Variants in ZNF367 observed in about 807,000 individuals in gnomAD.
ZNF367 encodes zinc finger protein 367.
In ZNF367, 11 loss-of-function variants were observed where a neutral mutation model predicts 31.8. The ratio of observed to expected loss-of-function variants is 0.35; its 90% CI spans 0.22 to 0.57. ZNF367 has a LOEUF of 0.57. Among genes scored for constraint, ZNF367 ranks in the 20% least tolerant of loss-of-function variants. ZNF367 has a pLI of 0.85. For missense variants in ZNF367, 353 were observed against 484.1 expected, an observed-to-expected ratio of 0.73 and a Z score of 2.54; for synonymous variants, 199 against 202.4, an observed-to-expected ratio of 0.98 and a Z score of 0.14.
At chr9:96,410,561 C>CAAAAAAAAAA (rs35609930) in intron 1 of ZNF367, among the ~76,000 whole-genome samples, 6 of 69,602 alleles carry the variant, frequency 8.6e-5, no homozygotes, top group East Asian at 6.1e-4. Context: ...GACTCCGTCT[C>CAAAAAAAAAA]AAAAAAAAAA....
intron 1 of ZNF367, among the ~76,000 whole-genome samples, chr9:96,412,304 T>C (rs1831761512): frequency 6.6e-6 from 1 of 152,212 alleles, no homozygotes; most frequent in African/African-American, 2.4e-5. Flanking sequence ...CCTTAGTAAT[T>C]ATAATTTTAA....
In ZNF367 at chr9:96,392,487, G is replaced by C; in HGVS notation, c.741C>G (p.Pro247=). The change falls in exon 4 of 5, where the codon CCC becomes CCG. Residue 247 remains proline (P), a synonymous_variant. Transcript: ENST00000375256. The stretch of plus-strand genomic sequence containing the variant: ...GCTCCTCTCTCTTCAGCCTGGCGTA[G>C]GGGTGCTTCGGACAGTGGCGGTTTG... The part of the protein sequence containing the change: ...THANRHCPKH[P]YARLKREEPT... 1 of 1,613,342 alleles carries C rather than the reference G, an allele frequency of 6.2e-7. No individual in the cohort carries two copies. The highest frequency in any genetic ancestry group is 8.5e-7 in the Non-Finnish European group (1 of 1,179,308).
At chr9:96,403,203 C>T (rs1222945308) in intron 1 of ZNF367, among the ~76,000 whole-genome samples, 9 of 152,056 alleles carry the variant, frequency 5.9e-5, no homozygotes, top group Non-Finnish European at 1.0e-4. Context: ...CTCCTGACCT[C>T]GTGATCCACC....
Position 96,388,597 on chromosome 9 carries a change from AT to A in ZNF367, c.831-139del. ...AAAGTTATAAAGTGATTTAACATAA[AT>A]TTCCTATTTATAGAGGAAAGAAACT... On this transcript the variant is annotated intron_variant, in intron 4 of 4. Coordinates refer to ENST00000375256, the MANE Select transcript of ZNF367 (RefSeq NM_153695.4). The A allele has an allele frequency of 3.5e-6, 3 of 849,766 alleles. No homozygotes were observed. In the South Asian group the frequency reaches 5.8e-5, roughly 16 times the overall value. 52.6% of individuals were successfully genotyped at this position (849,766 alleles called of 1,614,324 possible).
At chr9:96,407,826 G>A (rs1831690002) in intron 1 of ZNF367, 1 of 885,966 alleles carries the variant, frequency 1.1e-6, no homozygotes, top group Non-Finnish European at 1.7e-6. Context: ...TGTTAGCCAG[G>A]ATGGTCTCGA....
At chr9:96,403,722 A>G (rs539234019) in intron 1 of ZNF367, among the ~76,000 whole-genome samples, 1 of 152,238 alleles carries the variant, frequency 6.6e-6, no homozygotes, top group South Asian at 2.1e-4. Flanking sequence ...ATGAAAGGCC[A>G]ATTGATTTTC....
chr9:96,398,448 T>A, intron 1 of ZNF367, 134 bp from the exon 2 acceptor site: 1 of 676,394 alleles, frequency 1.5e-6, no homozygotes, highest in Non-Finnish European at 2.3e-6. Context: ...CCCAGCTATT[T>A]AGGAGGCTGA....
chr9:96,416,759 T>C (rs1264844308), intron 1 of ZNF367, among the ~76,000 whole-genome samples: 6 of 152,212 alleles, frequency 3.9e-5, no homozygotes, highest in African/African-American at 1.4e-4. Context: ...TTACAGAATG[T>C]AAGGTAGTAA....
At chr9:96,396,825 A>G (rs1255741178) in intron 2 of ZNF367, among the ~76,000 whole-genome samples, 1 of 151,994 alleles carries the variant, frequency 6.6e-6, no homozygotes, top group East Asian at 1.9e-4. Context: ...GTGCCACCAC[A>G]CCTGGCTAAT....
chr9:96,397,125 G>A (rs766930207), intron 2 of ZNF367, among the ~76,000 whole-genome samples: 6 of 151,760 alleles, frequency 4.0e-5, no homozygotes, highest in Non-Finnish European at 8.8e-5. Context: ...CACATTTCAA[G>A]TGCTCAGGAG....
At chr9:96,408,809 T>C (rs1448879174) in intron 1 of ZNF367, among the ~76,000 whole-genome samples, 1 of 152,218 alleles carries the variant, frequency 6.6e-6, no homozygotes, top group Admixed American at 6.5e-5. Flanking sequence ...GCAGATATTA[T>C]TGCAAAAACA....
At chr9:96,399,475 C>T (rs1304516226) in intron 1 of ZNF367, among the ~76,000 whole-genome samples, 1 of 152,064 alleles carries the variant, frequency 6.6e-6, no homozygotes, top group Non-Finnish European at 1.5e-5. Context: ...AGTTATGATG[C>T]CCCTGCACTG....
At chr9:96,393,695 G>C (rs1180546564) in intron 3 of ZNF367, among the ~76,000 whole-genome samples, 1 of 152,002 alleles carries the variant, frequency 6.6e-6, no homozygotes, top group Admixed American at 6.6e-5. Flanking sequence ...ACTGGGTATG[G>C]TCGCGTATGC....
At chr9:96,404,184 G>A (rs1407045915) in intron 1 of ZNF367, among the ~76,000 whole-genome samples, 1 of 151,884 alleles carries the variant, frequency 6.6e-6, no homozygotes, top group East Asian at 2.0e-4. Flanking sequence ...AACAAGGCCG[G>A]GCGCGGTGGC....
In ZNF367 at chr9:96,407,380, C is replaced by G. The variant is rs1019101506; in HGVS notation, c.421-9066G>C. 2.6e-6 allele frequency: 4 copies of G among 1,520,202 alleles called. No individual in the cohort carries two copies. In the African/African-American group the frequency reaches 4.1e-5, roughly 16 times the overall value. 94.2% of individuals were successfully genotyped at this position (1,520,202 alleles called of 1,614,324 possible). ...GAGAAAGAAGGAAAGTCGAGAGGCT[C>G]ATGAACGTTCAAAGAAGGCAAAGAA... On this transcript the variant is annotated intron_variant, in intron 1 of 4. Transcript: ENST00000375256.
intron 1 of ZNF367, among the ~76,000 whole-genome samples, chr9:96,410,541 A>AACAGAGAG (rs1235726467): frequency 6.3e-5 from 9 of 143,222 alleles, no homozygotes; most frequent in Non-Finnish European, 7.6e-5. Flanking sequence ...CAGCCTGGGC[A>AACAGAGAG]ACAGAGAGAG....
chr9:96,390,821 C>A (rs1831463112), intron 4 of ZNF367, among the ~76,000 whole-genome samples: 1 of 144,818 alleles, frequency 6.9e-6, no homozygotes, highest in South Asian at 2.2e-4. Context: ...GAGGTCAAGG[C>A]TCAATGAGCT....
At chr9:96,407,563 A>C in intron 1 of ZNF367, 2 of 1,412,800 alleles carry the variant, frequency 1.4e-6, no homozygotes, top group Non-Finnish European at 2.0e-6. Flanking sequence ...TCTGCTGGAC[A>C]GAGAGGGACA....
Position 96,412,962 on chromosome 9 carries a change from T to A in ZNF367, c.420+4651A>T, listed in dbSNP as rs548493362. ...ATCCATCCACCTTGGCCTCTCAAAGTGCTGGGATTACAGGCATCAGCCAGC... is the reference window on the plus strand; with the variant it reads ...ATCCATCCACCTTGGCCTCTCAAAGAGCTGGGATTACAGGCATCAGCCAGC... On this transcript the variant is annotated intron_variant, in intron 1 of 4. Transcript: ENST00000375256. Among the ~76,000 whole-genome samples the A allele has an allele frequency of 4.6e-5, 7 of 152,334 alleles. No individual in the cohort carries two copies. In the East Asian group the frequency reaches 1.3e-3, roughly 29 times the overall value.
Sources: allele counts gnomAD v4.1 joint callset (sites outside exome capture counted in the v4.1 genomes callset), GRCh38; gene constraint gnomAD v4.1.1; transcripts MANE v1.5; gene names NCBI Gene and HGNC (gene_info 2026-07-23, HGNC 2026-07-21).